Variants in ZBTB7C observed in about 807,000 individuals in gnomAD.
The protein encoded by ZBTB7C is zinc finger and BTB domain-containing protein 7C.
Under a neutral mutation model 25.7 loss-of-function variants are expected in ZBTB7C, and 8 were observed. That is an observed-to-expected ratio of 0.31 (90% confidence interval 0.18 to 0.56). ZBTB7C has a LOEUF of 0.56. Ranked by LOEUF, ZBTB7C falls within the 20% of genes least tolerant of loss-of-function variation. The pLI, the probability that ZBTB7C is intolerant of heterozygous loss-of-function variation, is 0.91. For missense variants in ZBTB7C, 824 were observed against 855.2 expected (o/e 0.96, Z 0.46); for synonymous variants, 394 against 369.0 (o/e 1.07, Z -0.78).
chr18:48,168,020 T>C (rs2041328538), intron 3 of ZBTB7C, among the ~76,000 whole-genome samples: 1 of 152,118 alleles, frequency 6.6e-6, no homozygotes, highest in African/African-American at 2.4e-5. Context: ...GAAAAACAAG[T>C]CCGCATGCTT....
intron 1 of ZBTB7C, among the ~76,000 whole-genome samples, chr18:48,356,946 G>A (rs2046989410): frequency 6.6e-6 from 1 of 152,044 alleles, no homozygotes. Flanking sequence ...TCTAAACACT[G>A]CCCTATGTGG....
Position 48,274,735 on chromosome 18 carries a change from G to A in ZBTB7C, c.-79+63439C>T, listed in dbSNP as rs114328487. On this transcript the variant is annotated intron_variant, in intron 2 of 4. Coordinates refer to ENST00000590800, the MANE Select transcript of ZBTB7C (RefSeq NM_001318841.2). ...TTCCATCACCTGTCTCCATTCTCCT[G>A]TCAGCGCATGGTCCAGGCCACTGTC... 2.3e-3 allele frequency among the ~76,000 whole-genome samples: 350 copies of A among 152,300 alleles called. 2 individuals are homozygous for A. Among genetic ancestry groups the A allele is most frequent in the African/African-American group, 8.0e-3 (334 of 41,556 alleles).
chr18:48,207,948 C>T (rs1340976479), intron 2 of ZBTB7C, among the ~76,000 whole-genome samples: 1 of 150,160 alleles, frequency 6.7e-6, no homozygotes, highest in Non-Finnish European at 1.5e-5. Flanking sequence ...ATGATCATGG[C>T]ATGATTACAA....
upstream of ZBTB7C, among the ~76,000 whole-genome samples, chr18:48,410,159 C>T (rs952784047): frequency 6.6e-6 from 1 of 152,238 alleles, no homozygotes; most frequent in Non-Finnish European, 1.5e-5. Flanking sequence ...AGTTAAGTTT[C>T]CCAAATGCTC....
intron 3 of ZBTB7C, among the ~76,000 whole-genome samples, chr18:48,115,722 T>C (rs1457794942): frequency 6.6e-6 from 1 of 152,210 alleles, no homozygotes; most frequent in Non-Finnish European, 1.5e-5. Flanking sequence ...TTGGGGTATA[T>C]ATCTAGGAGT....
intron 3 of ZBTB7C, chr18:48,041,596 A>C (rs2036243481): frequency 2.1e-6 from 2 of 967,298 alleles, no homozygotes; most frequent in South Asian, 4.8e-5. Flanking sequence ...ACAGACTTAC[A>C]CTTTGCACTG....
At position 48,122,469 on chromosome 18, in the gene ZBTB7C, C is replaced by T. The variant is rs142322226; in HGVS notation, c.-17+63465G>A. The stretch of plus-strand genomic sequence containing the variant: ...AGAGACTATCATGCTGTCCTGCCCA[C>T]GTGCAAGCTCCCTGTATAAGAGGCC... On this transcript the variant is annotated intron_variant, in intron 3 of 4. Transcript: ENST00000590800. Among the ~76,000 whole-genome samples, 340 of 152,260 alleles carry T rather than the reference C, an allele frequency of 2.2e-3. 2 individuals carry two copies. Among genetic ancestry groups the T allele is most frequent in the African/African-American group, 7.5e-3 (312 of 41,548 alleles).
chr18:48,093,369 G>C (rs1200319718), intron 3 of ZBTB7C, among the ~76,000 whole-genome samples: 1 of 152,260 alleles, frequency 6.6e-6, no homozygotes, highest in Non-Finnish European at 1.5e-5. Flanking sequence ...AACATGCAGA[G>C]CAGGGAAGAT....
rs552780659 is a variant in ZBTB7C, at chr18:48,028,491, A to G, written c.*769T>C. On this transcript the variant is annotated 3_prime_UTR_variant, in exon 5 of 5. Transcript: ENST00000590800. ...GTGATAAAACTAAGTCCAGAAAGATAAACTGTTTCCCCATGGACTTGGGGA... is the reference window on the plus strand; with the variant it reads ...GTGATAAAACTAAGTCCAGAAAGATGAACTGTTTCCCCATGGACTTGGGGA... 6.6e-6 allele frequency: 1 copy of G among 152,222 alleles called. No individual in the cohort carries two copies. Among genetic ancestry groups the G allele is most frequent in the African/African-American group, 2.4e-5 (1 of 41,436 alleles). The allele number at this position is 152,222 out of a possible 1,614,324, so 9.4% of individuals were successfully genotyped here. A position where few individuals can be genotyped will look rare whatever the true frequency, so the allele number is the denominator to read the frequency against.
At chr18:48,220,499 T>C (rs1349875493) in intron 2 of ZBTB7C, among the ~76,000 whole-genome samples, 1 of 152,156 alleles carries the variant, frequency 6.6e-6, no homozygotes, top group East Asian at 1.9e-4. Flanking sequence ...GGCAGGGATG[T>C]AACTTAGAAT....
intron 1 of ZBTB7C, among the ~76,000 whole-genome samples, chr18:48,357,044 C>T (rs2046990978): frequency 6.6e-6 from 1 of 152,202 alleles, no homozygotes; most frequent in Non-Finnish European, 1.5e-5. Context: ...GTGCTCAGTT[C>T]AGGGCACAGG....
At chr18:48,408,543 G>C (rs191462693) in intron 1 of ZBTB7C, 2 of 152,250 alleles carry the variant, frequency 1.3e-5, no homozygotes, top group African/African-American at 4.8e-5. Flanking sequence ...AGTCCTGCAT[G>C]AGCGACACCT....
At chr18:48,179,222 G>A (rs577990358) in intron 3 of ZBTB7C, among the ~76,000 whole-genome samples, 32 of 152,240 alleles carry the variant, frequency 2.1e-4, no homozygotes, top group Non-Finnish European at 4.1e-4. Context: ...TAAGTAAACA[G>A]AGAAGTTCTT....
chr18:48,354,959 C>T (rs1159134106), intron 1 of ZBTB7C, among the ~76,000 whole-genome samples: 1 of 152,180 alleles, frequency 6.6e-6, no homozygotes, highest in African/African-American at 2.4e-5. Context: ...GAGGGCTTTC[C>T]CTGAACCAAC....
chr18:48,145,048 G>C (rs1038504370), intron 3 of ZBTB7C, among the ~76,000 whole-genome samples: 2 of 152,158 alleles, frequency 1.3e-5, no homozygotes, highest in African/African-American at 2.4e-5. Flanking sequence ...ATCTGGGTTA[G>C]AGACTCAGGC....
At chr18:48,377,362 CAA>C (rs1215247198) in intron 1 of ZBTB7C, among the ~76,000 whole-genome samples, 1 of 152,122 alleles carries the variant, frequency 6.6e-6, no homozygotes, top group African/African-American at 2.4e-5. Context: ...GAAATAAATG[CAA>C]AGTCTATGTG....
At chr18:48,051,708 G>A (rs1253260215) in intron 3 of ZBTB7C, among the ~76,000 whole-genome samples, 1 of 152,178 alleles carries the variant, frequency 6.6e-6, no homozygotes, top group Non-Finnish European at 1.5e-5. Context: ...TCCCTACGGG[G>A]CTGCCTGGCC....
At chr18:48,318,262 C>A (rs2144836033) in intron 2 of ZBTB7C, among the ~76,000 whole-genome samples, 1 of 152,256 alleles carries the variant, frequency 6.6e-6, no homozygotes, top group African/African-American at 2.4e-5. Flanking sequence ...AACCAAAACT[C>A]ACTTCTGTTT....
chr18:48,329,404 G>A (rs975840860), intron 2 of ZBTB7C, among the ~76,000 whole-genome samples: 3 of 152,188 alleles, frequency 2.0e-5, no homozygotes, highest in South Asian at 2.1e-4. Flanking sequence ...AAGCTGACAG[G>A]CAGAGCTAGG....
Sources: gnomAD v4.1 joint callset for allele counts (sites outside exome capture counted in the v4.1 genomes callset) on GRCh38, gnomAD v4.1.1 for gene constraint, MANE v1.5 for transcripts, NCBI Gene and HGNC (gene_info 2026-07-23, HGNC 2026-07-21) for gene names.